Variants in KSR2 observed in about 807,000 individuals in gnomAD.
KSR2 encodes kinase suppressor of ras 2.
Under a neutral mutation model 107.8 loss-of-function variants are expected in KSR2, and 25 were observed. The observed-to-expected ratio is 0.23, with a 90% CI of 0.17 to 0.32. The LOEUF (loss-of-function observed/expected upper bound fraction) is 0.32. Among genes scored for constraint, KSR2 ranks in the 10% least tolerant of loss-of-function variants. KSR2 has a pLI of 1.00. For missense variants in KSR2, 887 were observed against 1,268.9 expected (o/e 0.70, Z 4.57); for synonymous variants, 480 against 507.0 (o/e 0.95, Z 0.71).
At chr12:117,485,339 T>C (rs546609496) in intron 15 of KSR2, among the ~76,000 whole-genome samples, 15 of 152,172 alleles carry the variant, frequency 9.9e-5, no homozygotes, top group Non-Finnish European at 1.9e-4. Flanking sequence ...GGTCCTTGCA[T>C]AGGTCCAAGT....
At chr12:117,630,283 C>T (rs1299498273) in intron 5 of KSR2, among the ~76,000 whole-genome samples, 3 of 152,116 alleles carry the variant, frequency 2.0e-5, no homozygotes, top group East Asian at 3.9e-4. Flanking sequence ...GCAGAGAGAA[C>T]AGCATGTGCA....
chr12:117,782,477 C>T (rs1449800399), intron 3 of KSR2, among the ~76,000 whole-genome samples: 1 of 152,148 alleles, frequency 6.6e-6, no homozygotes, highest in Admixed American at 6.5e-5. Flanking sequence ...GTTGCTCAGG[C>T]TGGTCTCAAA....
chr12:117,674,934 C>T (rs556490623), intron 4 of KSR2, among the ~76,000 whole-genome samples: 1 of 152,276 alleles, frequency 6.6e-6, no homozygotes, highest in East Asian at 1.9e-4. Context: ...CTTTCTGGTC[C>T]TTGACCACAC....
At chr12:117,784,913 C>A (rs1379840797) in intron 3 of KSR2, among the ~76,000 whole-genome samples, 1 of 152,136 alleles carries the variant, frequency 6.6e-6, no homozygotes, top group East Asian at 1.9e-4. Context: ...CATTGGAGCA[C>A]CACCTATAGA....
chr12:117,592,320 G>A (rs1880372150), intron 5 of KSR2, among the ~76,000 whole-genome samples: 2 of 151,888 alleles, frequency 1.3e-5, no homozygotes, highest in Admixed American at 1.3e-4. Context: ...CACCATGTTG[G>A]CCAGGCTGGT....
rs756948779 is a variant in KSR2, at chr12:117,579,163, G to A, written c.1281C>T (p.Val427=). The A allele has an allele frequency of 5.6e-6, 9 of 1,613,818 alleles. No homozygotes were observed. ...TKYWMSQTCT[V]CGKGMLFGLK... ...GGCCAAAAAGCATCCCTTTCCCACA[G>A]ACTGTGCACGTCTGAGACATCCAGT... is the stretch of plus-strand genomic sequence containing the variant. The change falls in exon 7 of 20, where the codon GTC becomes GTT. Residue 427 remains valine, a synonymous_variant. Transcript: ENST00000339824.
chr12:117,874,660 C>T (rs1893770516), intron 1 of KSR2, among the ~76,000 whole-genome samples: 1 of 152,158 alleles, frequency 6.6e-6, no homozygotes, highest in African/African-American at 2.4e-5. Context: ...TTCCCAGTCC[C>T]GTGCTCTCTT....
intron 14 of KSR2, among the ~76,000 whole-genome samples, chr12:117,515,476 G>A (rs543752839): frequency 9.2e-5 from 14 of 152,272 alleles, no homozygotes; most frequent in African/African-American, 3.4e-4. Flanking sequence ...TAGTATTTTG[G>A]GGGCTGGGGA....
intron 1 of KSR2, among the ~76,000 whole-genome samples, chr12:117,947,250 AAAGAAAG>A (rs1018369243): frequency 1.7e-4 from 21 of 125,676 alleles, no homozygotes; most frequent in African/African-American, 6.5e-4. Flanking sequence ...AGAAAGAAAG[AAAGAAAG>A]AAGATAAACC....
chr12:117,655,993 A>G (rs1026957270), intron 5 of KSR2, among the ~76,000 whole-genome samples: 1 of 152,208 alleles, frequency 6.6e-6, no homozygotes, highest in Non-Finnish European at 1.5e-5. Context: ...TCACTCCAGC[A>G]GGAAAAAAAC....
chr12:117,698,997 G>A (rs113289355), intron 4 of KSR2, among the ~76,000 whole-genome samples: 3,147 of 152,114 alleles, frequency 0.021, 70 homozygotes, highest in African/African-American at 0.051. Flanking sequence ...AGGCCATCCC[G>A]TCCCCTTCAT....
chr12:117,623,950 T>C (rs1882328791), intron 5 of KSR2, among the ~76,000 whole-genome samples: 1 of 152,238 alleles, frequency 6.6e-6, no homozygotes, highest in Non-Finnish European at 1.5e-5. Context: ...TATCTCATTG[T>C]GGTTTTGATT....
chr12:117,582,387 C>T (rs774060651), intron 5 of KSR2, 28 bp from the exon 6 acceptor site: 5 of 1,582,412 alleles, frequency 3.2e-6, no homozygotes, highest in Non-Finnish European at 4.3e-6. Flanking sequence ...CAGCCTGTTA[C>T]ACAGAGGGTC....
rs370177118 is a variant in KSR2, at chr12:117,547,590, G to A, written c.1518+7579C>T. 1.2e-4 allele frequency among the ~76,000 whole-genome samples: 19 copies of A among 152,238 alleles called. No individual in the cohort carries two copies. In the South Asian group the frequency reaches 3.9e-3, roughly 32 times the overall value. The stretch of plus-strand genomic sequence containing the variant: ...AGTCTAGACTCCCTACTTGATCTTT[G>A]CTGTTATGGGTAGGTAGGGCAACAG... On this transcript the variant is annotated intron_variant, in intron 9 of 19. Transcript: ENST00000339824.
At chr12:117,772,707 T>C (rs1252206048) in intron 3 of KSR2, among the ~76,000 whole-genome samples, 27 of 119,702 alleles carry the variant, frequency 2.3e-4, no homozygotes, top group South Asian at 8.8e-4. Context: ...CCCCCAAAGA[T>C]GCACAAACAC....
chr12:117,855,176 T>G (rs1893057579), intron 3 of KSR2, among the ~76,000 whole-genome samples: 1 of 152,188 alleles, frequency 6.6e-6, no homozygotes, highest in Non-Finnish European at 1.5e-5. Context: ...GGACCCTAAT[T>G]ATCCAGAACC....
At chr12:117,479,195 T>C (rs1408840998) in intron 16 of KSR2, among the ~76,000 whole-genome samples, 1 of 152,208 alleles carries the variant, frequency 6.6e-6, no homozygotes, top group East Asian at 1.9e-4. Flanking sequence ...CTCGACTTTT[T>C]GTAGAACCCA....
In KSR2 at chr12:117,454,950, C is replaced by A. The variant is rs1870524139; in HGVS notation, c.*12249G>T. ...CAAGATGCCCATGGACTTCAGGACCCAATGCAGGGCACTAAGAAATAGAGA... is the reference window on the plus strand; with the variant it reads ...CAAGATGCCCATGGACTTCAGGACCAAATGCAGGGCACTAAGAAATAGAGA... On this transcript the variant is annotated 3_prime_UTR_variant, in exon 20 of 20. Coordinates refer to ENST00000339824, the MANE Select transcript of KSR2 (RefSeq NM_173598.6). The A allele has an allele frequency of 1.3e-5, 2 of 151,640 alleles. No individual in the cohort carries two copies. Among genetic ancestry groups the A allele is most frequent in the African/African-American group, 4.9e-5 (2 of 41,162 alleles). The allele number at this position is 151,640 out of a possible 1,614,324, so 9.4% of individuals were successfully genotyped here. A position where few individuals can be genotyped will look rare whatever the true frequency, so the allele number is the denominator to read the frequency against.
At chr12:117,567,396 G>C (rs1232276032) in intron 7 of KSR2, among the ~76,000 whole-genome samples, 1 of 152,114 alleles carries the variant, frequency 6.6e-6, no homozygotes, top group Non-Finnish European at 1.5e-5. Context: ...GCATGAAGAG[G>C]GGAGAGATGC....
Sources: gnomAD v4.1 joint callset for allele counts (sites outside exome capture counted in the v4.1 genomes callset) on GRCh38, gnomAD v4.1.1 for gene constraint, MANE v1.5 for transcripts, NCBI Gene and HGNC (gene_info 2026-07-23, HGNC 2026-07-21) for gene names.